The following CLNK variants were observed in gnomAD, a reference collection of about 807,000 sequenced individuals.
CLNK encodes the protein cytokine dependent hematopoietic cell linker.
CLNK carries 74 observed loss-of-function variants against 68.6 expected under a neutral mutation model. The observed-to-expected ratio is 1.08, with a 90% CI of 0.89 to 1.31. The LOEUF (loss-of-function observed/expected upper bound fraction) is 1.31, where lower values mean the gene tolerates loss of function less well. Ranked by LOEUF, CLNK falls within the 50% of genes most tolerant of loss-of-function variation. CLNK has a pLI of 0.00. For synonymous variants in CLNK, 198 were observed against 172.2 expected, an observed-to-expected ratio of 1.15 and a Z score of -1.17; for missense variants, 553 against 515.3, an observed-to-expected ratio of 1.07 and a Z score of -0.71.
chr4:10,575,163 T>A (rs1009827771), intron 4 of CLNK, among the ~76,000 whole-genome samples: 2 of 152,172 alleles, frequency 1.3e-5, no homozygotes, highest in Non-Finnish European at 2.9e-5. Context: ...ATTGTGGTAA[T>A]CCCGTACCTA....
intron 8 of CLNK, among the ~76,000 whole-genome samples, chr4:10,544,630 G>T (rs1365530638): frequency 6.6e-6 from 1 of 152,212 alleles, no homozygotes; most frequent in Non-Finnish European, 1.5e-5. Flanking sequence ...CAGCGAGGGA[G>T]CATGTCCTGT....
At chr4:10,554,317 A>T (rs190921624) in intron 8 of CLNK, among the ~76,000 whole-genome samples, 2 of 152,348 alleles carry the variant, frequency 1.3e-5, no homozygotes, top group Admixed American at 1.3e-4. Flanking sequence ...TTGCTTATGT[A>T]AAAGGCAGTT....
rs150690537 is a variant in CLNK, at chr4:10,509,176, G to A, written c.907-1140C>T. The stretch of plus-strand genomic sequence containing the variant: ...GCAAGAGTTAGGTACGTGACATCAG[G>A]TCTTTGGTCTCTCATTCATTTGGAG... On this transcript the variant is annotated intron_variant, in intron 16 of 18. Transcript: ENST00000226951. 7.6e-3 allele frequency among the ~76,000 whole-genome samples: 1,152 copies of A among 151,752 alleles called. 11 individuals are homozygous for A. Among genetic ancestry groups the A allele is most frequent in the Middle Eastern group, 0.038 (11 of 288 alleles).
chr4:10,723,628 T>C, the CLNK span, among the ~76,000 whole-genome samples: 1 of 152,144 alleles, frequency 6.6e-6, no homozygotes, highest in Admixed American at 6.5e-5. Context: ...TTCTATCCAC[T>C]TCTTTGAGGC....
At chr4:10,527,552 G>A (rs932113242) in intron 13 of CLNK, among the ~76,000 whole-genome samples, 1 of 152,194 alleles carries the variant, frequency 6.6e-6, no homozygotes, top group African/African-American at 2.4e-5. Context: ...TAGAAGAATG[G>A]AGAACAGTAT....
intron 13 of CLNK, among the ~76,000 whole-genome samples, chr4:10,527,104 A>G (rs569544990): frequency 1.3e-5 from 2 of 152,356 alleles, no homozygotes; most frequent in African/African-American, 2.4e-5. Flanking sequence ...CATGTCATCA[A>G]TAGCGACCCA....
At chr4:10,729,431 A>T in the CLNK span, among the ~76,000 whole-genome samples, 1 of 152,346 alleles carries the variant, frequency 6.6e-6, no homozygotes, top group East Asian at 1.9e-4. Context: ...CCAAAAGAAA[A>T]TAAATTGTTA....
the CLNK span, among the ~76,000 whole-genome samples, chr4:10,712,585 A>G: frequency 6.6e-6 from 1 of 152,244 alleles, no homozygotes; most frequent in Admixed American, 6.5e-5. Context: ...AAAAGCCACA[A>G]GTCTGAAATT....
At chr4:10,664,451 G>A (rs1195480475) in intron 2 of CLNK, among the ~76,000 whole-genome samples, 1 of 152,168 alleles carries the variant, frequency 6.6e-6, no homozygotes, top group Non-Finnish European at 1.5e-5. Context: ...GTGATGGGGG[G>A]CACACATTTC....
intron 2 of CLNK, among the ~76,000 whole-genome samples, chr4:10,617,992 T>G (rs529669328): frequency 1.6e-4 from 24 of 152,288 alleles, no homozygotes; most frequent in African/African-American, 5.1e-4. Flanking sequence ...TCTTAAAAAG[T>G]TGAACATATG....
upstream of CLNK, among the ~76,000 whole-genome samples, chr4:10,687,204 G>GAA (rs57990237): frequency 0.025 from 3,441 of 140,302 alleles, 98 homozygotes; most frequent in Admixed American, 0.1. Context: ...ATATAGAGGT[G>GAA]AAAAAAAAAA....
the CLNK span, among the ~76,000 whole-genome samples, chr4:10,690,713 G>A: frequency 1.3e-5 from 2 of 151,934 alleles, no homozygotes; most frequent in Non-Finnish European, 2.9e-5. Flanking sequence ...TATCATTATC[G>A]CTGTTATACT....
chr4:10,598,107 T>G, intron 2 of CLNK, 58 bp from the exon 3 acceptor site: 1 of 1,161,414 alleles, frequency 8.6e-7, no homozygotes, highest in East Asian at 2.5e-5. Flanking sequence ...GGGGAAAAAT[T>G]AATTAAGTGC....
the CLNK span, among the ~76,000 whole-genome samples, chr4:10,701,931 T>C: frequency 3.3e-5 from 5 of 152,296 alleles, no homozygotes; most frequent in East Asian, 9.7e-4. Flanking sequence ...GCACATTCCA[T>C]GCAGAGACAG....
rs371359152 is a variant in CLNK, at chr4:10,683,260, G to A, written c.-43+1408C>T. On this transcript the variant is annotated intron_variant, in intron 1 of 18. Coordinates refer to ENST00000226951, the MANE Select transcript of CLNK (RefSeq NM_052964.4). ...AAGACAGCACCTGACTCATGGCAAA[G>A]TGATCGAGAAACAGAATCCCCTGGT... is the stretch of plus-strand genomic sequence containing the variant. 6.6e-5 allele frequency among the ~76,000 whole-genome samples: 10 copies of A among 152,316 alleles called. No homozygotes were observed. The East Asian group carries it at 1.5e-3, about 24-fold the overall frequency.
the CLNK span, among the ~76,000 whole-genome samples, chr4:10,725,087 G>A: frequency 2.5e-3 from 387 of 152,164 alleles, no homozygotes; most frequent in Non-Finnish European, 4.4e-3. Context: ...TCCTTGCGAA[G>A]GAGAGGGCCC....
intron 2 of CLNK, among the ~76,000 whole-genome samples, chr4:10,664,777 C>T (rs1477151976): frequency 1.3e-5 from 2 of 152,230 alleles, no homozygotes; most frequent in African/African-American, 4.8e-5. Flanking sequence ...TCAGGACACC[C>T]TGGACAGGAA....
At chr4:10,689,336 T>C (rs1725381698), upstream of CLNK, among the ~76,000 whole-genome samples, 1 of 152,118 alleles carries the variant, frequency 6.6e-6, no homozygotes, top group African/African-American at 2.4e-5. Context: ...GATCTCCCTA[T>C]GTTGACTAGA....
chr4:10,621,465 T>C (rs112198703), intron 2 of CLNK, among the ~76,000 whole-genome samples: 1,525 of 152,240 alleles, frequency 0.01, 29 homozygotes, highest in African/African-American at 0.033. Flanking sequence ...TGGGGTCCAG[T>C]GGGTGTCCTT....
Sources: gnomAD v4.1 joint callset for allele counts (sites outside exome capture counted in the v4.1 genomes callset) on GRCh38, gnomAD v4.1.1 for gene constraint, MANE v1.5 for transcripts, NCBI Gene and HGNC (gene_info 2026-07-23, HGNC 2026-07-21) for gene names.